Variants in PRDM5 observed in about 807,000 individuals in gnomAD.
PRDM5 encodes PR/SET domain 5, also known as PR domain zinc finger protein 5.
In PRDM5, 56 loss-of-function variants were observed where a neutral mutation model predicts 81.2. That is an observed-to-expected ratio of 0.69 (90% CI 0.56 to 0.86). The LOEUF (loss-of-function observed/expected upper bound fraction) is 0.86. Ranked by LOEUF, PRDM5 falls within the 40% of genes least tolerant of loss-of-function variation. The pLI is 0.00. For synonymous variants in PRDM5, 267 were observed against 256.4 expected (o/e 1.04, Z -0.39); for missense variants, 697 against 770.1 (o/e 0.91, Z 1.12).
At chr4:120,905,565 T>A (rs1201086388) in intron 2 of PRDM5, among the ~76,000 whole-genome samples, 2 of 152,162 alleles carry the variant, frequency 1.3e-5, no homozygotes, top group Non-Finnish European at 2.9e-5. Flanking sequence ...AACTAAGGTA[T>A]CCTGGAGAAG....
At chr4:120,894,560 T>C (rs913608142) in intron 2 of PRDM5, among the ~76,000 whole-genome samples, 1 of 152,218 alleles carries the variant, frequency 6.6e-6, no homozygotes, top group Non-Finnish European at 1.5e-5. Context: ...ACACTACTTA[T>C]AAATGAAATT....
intron 5 of PRDM5, 92 bp downstream of exon 5, chr4:120,818,261 C>CGT: frequency 7.1e-7 from 1 of 1,410,166 alleles, no homozygotes; most frequent in Non-Finnish European, 9.9e-7. Context: ...CGCGTGCACA[C>CGT]ACACACACAC....
intron 14 of PRDM5, among the ~76,000 whole-genome samples, chr4:120,729,880 T>A (rs1460137298): frequency 6.6e-6 from 1 of 152,166 alleles, no homozygotes; most frequent in Non-Finnish European, 1.5e-5. Flanking sequence ...CTTGGTGTGG[T>A]CCCAGCAAGA....
chr4:120,798,420 T>C lies in PRDM5; in HGVS notation c.1035A>G (p.Lys345=). The change falls in exon 10 of 16, where the codon AAA becomes AAG. Residue 345 remains lysine, a synonymous_variant. Transcript: ENST00000264808. ...TACAAATCTCGCAATTATAGGGTCG[T>C]TTTTCTATTAAAAAAATGAGTGGAG... ...LKRHMITHSE[K]RPYNCEICNK... 3.1e-6 allele frequency: 5 copies of C among 1,600,412 alleles called. No individual in the cohort carries two copies. The highest frequency in any genetic ancestry group is 4.3e-6 in the Non-Finnish European group (5 of 1,170,332).
At chr4:120,741,143 T>C (rs1741875313) in intron 14 of PRDM5, among the ~76,000 whole-genome samples, 1 of 152,118 alleles carries the variant, frequency 6.6e-6, no homozygotes, top group African/African-American at 2.4e-5. Context: ...TGCCTCCTAA[T>C]GTGTCCATGA....
intron 14 of PRDM5, among the ~76,000 whole-genome samples, chr4:120,717,985 G>A (rs1427180047): frequency 6.6e-6 from 1 of 152,138 alleles, no homozygotes; most frequent in African/African-American, 2.4e-5. Flanking sequence ...GAAACTTGTA[G>A]GCAATGAAAG....
chr4:120,748,934 G>T (rs1186232774), intron 14 of PRDM5, among the ~76,000 whole-genome samples: 1 of 152,092 alleles, frequency 6.6e-6, no homozygotes, highest in African/African-American at 2.4e-5. Flanking sequence ...ACTGAATGGG[G>T]GAGCTAACTG....
At chr4:120,835,144 T>C (rs767718640) in intron 3 of PRDM5, among the ~76,000 whole-genome samples, 15 of 152,180 alleles carry the variant, frequency 9.9e-5, no homozygotes, top group Admixed American at 2.6e-4. Context: ...GGACTAAGTA[T>C]AACATAATGC....
At chr4:120,747,577 T>G in intron 14 of PRDM5, among the ~76,000 whole-genome samples, 1 of 152,098 alleles carries the variant, frequency 6.6e-6, no homozygotes, top group East Asian at 1.9e-4. Flanking sequence ...CCCACCCTCG[T>G]TTGGACTCAG....
At chr4:120,734,749 C>T (rs949835088) in intron 14 of PRDM5, among the ~76,000 whole-genome samples, 1 of 152,136 alleles carries the variant, frequency 6.6e-6, no homozygotes, top group Non-Finnish European at 1.5e-5. Context: ...ACATAGATGT[C>T]TCCAGTGTAT....
At chr4:120,867,399 C>G (rs1283704211) in intron 2 of PRDM5, among the ~76,000 whole-genome samples, 1 of 152,100 alleles carries the variant, frequency 6.6e-6, no homozygotes, top group African/African-American at 2.4e-5. Flanking sequence ...CTACATTTCC[C>G]ATTTCATCAG....
chr4:120,840,749 G>A (rs968205027), intron 3 of PRDM5, among the ~76,000 whole-genome samples: 2 of 152,166 alleles, frequency 1.3e-5, no homozygotes, highest in East Asian at 3.8e-4. Context: ...GACCCAGCCC[G>A]GACACATCAT....
chr4:120,909,071 C>T (rs563849864), intron 1 of PRDM5, among the ~76,000 whole-genome samples: 1 of 152,322 alleles, frequency 6.6e-6, no homozygotes, highest in Non-Finnish European at 1.5e-5. Context: ...CCAAATAATC[C>T]TATGTGGGAG....
intron 14 of PRDM5, among the ~76,000 whole-genome samples, chr4:120,743,157 G>T (rs1386015465): frequency 1.3e-5 from 2 of 151,788 alleles, no homozygotes; most frequent in African/African-American, 4.9e-5. Flanking sequence ...TTTCAACCCA[G>T]AATTTCATAT....
chr4:120,775,001 T>C (rs1055480390), intron 13 of PRDM5, among the ~76,000 whole-genome samples: 3 of 150,096 alleles, frequency 2.0e-5, no homozygotes, highest in South Asian at 2.1e-4. Context: ...TATATATATA[T>C]ACACAAACAC....
At chr4:120,773,214 T>C (rs1382140745) in intron 13 of PRDM5, among the ~76,000 whole-genome samples, 1 of 152,100 alleles carries the variant, frequency 6.6e-6, no homozygotes, top group Non-Finnish European at 1.5e-5. Flanking sequence ...ACAGACAAAT[T>C]ATGGTTATTA....
Position 120,754,597 on chromosome 4 carries a change from T to C in PRDM5, c.1579A>G (p.Ser527Gly). ...TGCATCTTCAGTCCATCATTTTTAC[T>C]GAATCCTTTTTCACAGTAAGGACAT... ...YQCPYCEKGF[S>G]KNDGLKMHIR... The change falls in exon 14 of 16, where the codon AGT (serine) becomes GGT (glycine). Residue 527 changes from serine to glycine, a missense_variant. Physicochemically the swap from Ser to Gly is moderately conservative, Grantham distance 56. Transcript: ENST00000264808. The C allele has an allele frequency of 6.2e-7, 1 of 1,602,462 alleles. No homozygotes were observed. Among genetic ancestry groups the C allele is most frequent in the Non-Finnish European group, 8.6e-7 (1 of 1,169,530 alleles).
In PRDM5 at chr4:120,843,292, C is replaced by A. The variant is rs547448390; in HGVS notation, c.300+10126G>T. Among the ~76,000 whole-genome samples, 116 of 152,206 alleles carry A rather than the reference C, an allele frequency of 7.6e-4. 1 individual carries two copies. Among genetic ancestry groups the A allele is most frequent in the African/African-American group, 2.6e-3 (110 of 41,524 alleles). On this transcript the variant is annotated intron_variant, in intron 3 of 15. Transcript: ENST00000264808. ...GAGGTCGCAGTGAGCCGAGATTGTG[C>A]CACTGCATCACTCCAGCCTGGGCAA...
chr4:120,784,913 T>G, intron 11 of PRDM5, 85 bp downstream of exon 11: 1 of 1,078,226 alleles, frequency 9.3e-7, no homozygotes, highest in Non-Finnish European at 1.4e-6. Context: ...TAGGCACACC[T>G]CTGGGATGTC....
Sources: gnomAD v4.1 joint callset for allele counts (sites outside exome capture counted in the v4.1 genomes callset) on GRCh38, gnomAD v4.1.1 for gene constraint, MANE v1.5 for transcripts, NCBI Gene and HGNC (gene_info 2026-07-23, HGNC 2026-07-21) for gene names.